PCDHGB6: variants seen among roughly 807,000 people sequenced by gnomAD.
The protein encoded by PCDHGB6 is protocadherin gamma subfamily B, 6.
Under a neutral mutation model 59.1 loss-of-function variants are expected in PCDHGB6, and 51 were observed. The observed-to-expected ratio is 0.86, with a 90% CI of 0.69 to 1.09. The LOEUF is 1.09. Ranked by LOEUF, PCDHGB6 falls within the 50% of genes least tolerant of loss-of-function variation. The pLI is 0.00. For missense variants in PCDHGB6, 1,148 were observed against 1,205.1 expected (o/e 0.95, Z 0.70); for synonymous variants, 466 against 495.1 (o/e 0.94, Z 0.78).
chr5:141,498,971 G>GGGAAGGAAGGAAGGAAGGAA (rs201769957), intron 2 of PCDHGB6, among the ~76,000 whole-genome samples: 36 of 111,052 alleles, frequency 3.2e-4, no homozygotes, highest in African/African-American at 9.0e-4. Context: ...GAGGGAGGGA[G>GGGAAGGAAGGAAGGAAGGAA]GGAAGGAAGG....
intron 1 of PCDHGB6, among the ~76,000 whole-genome samples, chr5:141,456,101 G>A (rs1231843666): frequency 6.6e-6 from 1 of 151,970 alleles, no homozygotes; most frequent in African/African-American, 2.4e-5. Context: ...ATTTCACCGT[G>A]TTAGCCAGGA....
In PCDHGB6 at chr5:141,431,155, C is replaced by T; in HGVS notation, c.2418+20535C>T. On this transcript the variant is annotated intron_variant, in intron 1 of 3. Transcript: ENST00000520790. This position sits in a 1 kb window ranked among gnomAD's most constrained non-coding sequence, Gnocchi z 4.8. ...GGGACATTAACGACAATGCGCCTTA[C>T]TTTCGTGAAAGTGAATTAGAAATAA... is the stretch of plus-strand genomic sequence containing the variant. 6.2e-7 allele frequency: 1 copy of T among 1,614,212 alleles called. No homozygotes were observed. Among genetic ancestry groups the T allele is most frequent in the Non-Finnish European group, 8.5e-7 (1 of 1,180,032 alleles).
chr5:141,437,782 A>C (rs1410096491), intron 1 of PCDHGB6, among the ~76,000 whole-genome samples: 1 of 151,512 alleles, frequency 6.6e-6, no homozygotes, highest in African/African-American at 2.4e-5. Context: ...TCTGTCGCCA[A>C]GCTGGAGTGC....
intron 1 of PCDHGB6, among the ~76,000 whole-genome samples, chr5:141,436,320 G>A (rs1158221950): frequency 6.6e-6 from 1 of 152,120 alleles, no homozygotes; most frequent in African/African-American, 2.4e-5. Flanking sequence ...AGTCAAGACT[G>A]TTAGACCATA....
At chr5:141,461,825 T>C (rs2099024418) in intron 1 of PCDHGB6, among the ~76,000 whole-genome samples, 1 of 151,778 alleles carries the variant, frequency 6.6e-6, no homozygotes, top group African/African-American at 2.4e-5. Context: ...AGCTAATTTT[T>C]TTTTCTTTTT....
intron 3 of PCDHGB6, among the ~76,000 whole-genome samples, chr5:141,507,784 T>C (rs2099863290): frequency 6.6e-6 from 1 of 152,136 alleles, no homozygotes; most frequent in Non-Finnish European, 1.5e-5. Context: ...GGCCTGACCC[T>C]CGTCTAAGCC....
At chr5:141,443,344 G>T (rs1016738767) in intron 1 of PCDHGB6, among the ~76,000 whole-genome samples, 2 of 151,966 alleles carry the variant, frequency 1.3e-5, no homozygotes, top group African/African-American at 2.4e-5. Context: ...AATTAACAAG[G>T]TTTAGTGGTC....
rs201673318 is a variant in PCDHGB6, at chr5:141,421,626, C to G, written c.2418+11006C>G. On this transcript the variant is annotated intron_variant, in intron 1 of 3. Coordinates refer to ENST00000520790, the MANE Select transcript of PCDHGB6 (RefSeq NM_018926.3). ...TAGATATTAATGATAACGCCCCCAG[C>G]TTCCAGGAGGACGAAGTGGAGATAA... 1.9e-6 allele frequency: 3 copies of G among 1,613,842 alleles called. No individual in the cohort carries two copies. In the African/African-American group the frequency reaches 4.0e-5, roughly 21 times the overall value.
intron 1 of PCDHGB6, among the ~76,000 whole-genome samples, chr5:141,443,858 T>C (rs1325927807): frequency 6.6e-6 from 1 of 152,162 alleles, no homozygotes; most frequent in Non-Finnish European, 1.5e-5. Context: ...GTCTGAAAAC[T>C]GAAAAAATTA....
intron 1 of PCDHGB6, among the ~76,000 whole-genome samples, chr5:141,480,400 G>A (rs1364147575): frequency 6.8e-6 from 1 of 146,550 alleles, no homozygotes; most frequent in Non-Finnish European, 1.5e-5. Context: ...TGGCAATAGA[G>A]TGAGACCCTG....
Position 141,476,278 on chromosome 5 carries a change from T to C in PCDHGB6, c.2419-18529T>C, listed in dbSNP as rs746655724. On this transcript the variant is annotated intron_variant, in intron 1 of 3. Transcript: ENST00000520790. The surrounding 1 kb of genome is among the most constrained non-coding windows in gnomAD (Gnocchi z 7.6). ...CTGTGGGCAACGTGGTCGCGAACCTTGGTTTGGATCTCGGTAGCCTCTCAG... is the reference window on the plus strand; with the variant it reads ...CTGTGGGCAACGTGGTCGCGAACCTCGGTTTGGATCTCGGTAGCCTCTCAG... The C allele has an allele frequency of 3.2e-5, 52 of 1,613,758 alleles. No homozygotes were observed. Among genetic ancestry groups the C allele is most frequent in the Non-Finnish European group, 4.2e-5 (49 of 1,179,958 alleles).
intron 2 of PCDHGB6, among the ~76,000 whole-genome samples, chr5:141,499,115 C>G (rs940275925): frequency 6.6e-6 from 1 of 152,124 alleles, no homozygotes; most frequent in Non-Finnish European, 1.5e-5. Flanking sequence ...CACCACTATC[C>G]CTTCTCAGGT....
chr5:141,508,527 GCACC>G (rs2099869479), intron 3 of PCDHGB6, among the ~76,000 whole-genome samples: 1 of 152,104 alleles, frequency 6.6e-6, no homozygotes, highest in Non-Finnish European at 1.5e-5. Flanking sequence ...CAACCTCAGG[GCACC>G]CCCCACGAGG....
In PCDHGB6 at chr5:141,439,231, T is replaced by C. The variant is rs545867747; in HGVS notation, c.2418+28611T>C. 2.0e-5 allele frequency among the ~76,000 whole-genome samples: 3 copies of C among 151,650 alleles called. No individual in the cohort carries two copies. In the East Asian group the frequency reaches 5.8e-4, roughly 29 times the overall value. On this transcript the variant is annotated intron_variant, in intron 1 of 3. Coordinates refer to ENST00000520790, the MANE Select transcript of PCDHGB6 (RefSeq NM_018926.3). ...TCCATATGTGAAAATTCTTAGAAGC[T>C]TCCTATACAATTTCAGCTGAAGATT...
chr5:141,431,288 C>T lies in PCDHGB6; in HGVS notation c.2418+20668C>T, dbSNP rs2097358193. ...GAGCTACGAGCTCAGCCCGAACACT[C>T]ACTTCTCCCTCATCGTGCAAAATGG... On this transcript the variant is annotated intron_variant, in intron 1 of 3. Transcript: ENST00000520790. This position sits in a 1 kb window ranked among gnomAD's most constrained non-coding sequence, Gnocchi z 4.8. 1 of 1,614,152 alleles carries T rather than the reference C, an allele frequency of 6.2e-7. No individual in the cohort carries two copies. Among genetic ancestry groups the T allele is most frequent in the East Asian group, 2.2e-5 (1 of 44,890 alleles).
At chr5:141,501,883 G>A (rs1204174131) in intron 2 of PCDHGB6, among the ~76,000 whole-genome samples, 1 of 152,022 alleles carries the variant, frequency 6.6e-6, no homozygotes, top group African/African-American at 2.4e-5. Flanking sequence ...TTACACTCCT[G>A]ATCATCATGG....
At chr5:141,471,073 G>A (rs2099249169) in intron 1 of PCDHGB6, among the ~76,000 whole-genome samples, 2 of 143,298 alleles carry the variant, frequency 1.4e-5, no homozygotes, top group Non-Finnish European at 3.0e-5. Flanking sequence ...TTTTGAGACA[G>A]GGTCTCCCTC....
rs1181128940 is a variant in PCDHGB6 at position 141,409,896 on chromosome 5, C to A, written c.1694C>A (p.Pro565Gln). 6.2e-7 allele frequency: 1 copy of A among 1,613,240 alleles called. No homozygotes were observed. Among genetic ancestry groups the A allele is most frequent in the African/African-American group, 1.3e-5 (1 of 75,040 alleles). Residue 565 changes from proline (P) to glutamine (Q), a missense_variant, in exon 1 of 4, where the codon CCA becomes CAA. Coordinates refer to ENST00000520790, the MANE Select transcript of PCDHGB6 (RefSeq NM_018926.3). Reference sequence around the variant, plus strand: ...GACAACGCACCGCGGGTGCTGTACCCAGCTCTGGGTCCTGACGGCTCCGCG... The same window carrying A: ...GACAACGCACCGCGGGTGCTGTACCAAGCTCTGGGTCCTGACGGCTCCGCG... The part of the protein sequence containing the change: ...RNDNAPRVLY[P>Q]ALGPDGSAFF...
chr5:141,424,768 A>G (rs143190880), intron 1 of PCDHGB6: 38 of 152,284 alleles, frequency 2.5e-4, no homozygotes, highest in African/African-American at 9.1e-4. Context: ...TCTTATGGCA[A>G]ATAGTACATT....
Sources: gnomAD v4.1 joint callset for allele counts (sites outside exome capture counted in the v4.1 genomes callset) on GRCh38, gnomAD v4.1.1 for gene constraint, Gnocchi (gnomAD v3.1) non-coding constraint, MANE v1.5 for transcripts, NCBI Gene and HGNC (gene_info 2026-07-23, HGNC 2026-07-21) for gene names.